The following GALNT17 variants were observed in gnomAD, a reference collection of about 807,000 sequenced individuals.
The protein encoded by GALNT17 is polypeptide N-acetylgalactosaminyltransferase 17.
In GALNT17, 29 loss-of-function variants were observed where a neutral mutation model predicts 63.7. The observed-to-expected ratio is 0.46, with a 90% CI of 0.34 to 0.62. The LOEUF (loss-of-function observed/expected upper bound fraction) is 0.62. GALNT17 is among the 20% of genes least tolerant of loss of function. The pLI is 0.01. For missense variants in GALNT17, 603 were observed against 799.6 expected, an observed-to-expected ratio of 0.75 and a Z score of 2.97; for synonymous variants, 305 against 318.3, an observed-to-expected ratio of 0.96 and a Z score of 0.45.
chr7:71,330,903 T>C (rs1472137070), intron 1 of GALNT17, among the ~76,000 whole-genome samples: 1 of 151,694 alleles, frequency 6.6e-6, no homozygotes, highest in East Asian at 1.9e-4. Context: ...TGCCTATCCT[T>C]CCCCTTCTTG....
Position 71,209,964 on chromosome 7 carries a change from C to T in GALNT17, c.238+76924C>T, listed in dbSNP as rs143058726. Among the ~76,000 whole-genome samples the T allele has an allele frequency of 9.6e-3, 1,452 of 151,934 alleles. 24 individuals carry two copies. Among genetic ancestry groups the T allele is most frequent in the African/African-American group, 0.033 (1,386 of 41,422 alleles). On this transcript the variant is annotated intron_variant, in intron 1 of 10. Transcript: ENST00000333538. Reference sequence around the variant, plus strand: ...TTGGGACAGAGTTTCGCTCTGTCACCGAGGCTGGAGTGCAGTGGCACAAAC... The same window carrying T: ...TTGGGACAGAGTTTCGCTCTGTCACTGAGGCTGGAGTGCAGTGGCACAAAC...
At chr7:71,692,064 C>A (rs1440526553) in intron 9 of GALNT17, among the ~76,000 whole-genome samples, 1 of 152,038 alleles carries the variant, frequency 6.6e-6, no homozygotes, top group Non-Finnish European at 1.5e-5. Flanking sequence ...CCACACACCA[C>A]CATGCTTGGC....
chr7:71,617,141 ATTTAC>A (rs943793677), intron 6 of GALNT17, among the ~76,000 whole-genome samples: 2 of 149,468 alleles, frequency 1.3e-5, no homozygotes, highest in African/African-American at 4.9e-5. Flanking sequence ...AATATTATTT[ATTTAC>A]TTATTCATTT....
rs115996891 is a variant in GALNT17, at chr7:71,631,637, G to A, written c.1081-33774G>A. On this transcript the variant is annotated intron_variant, in intron 6 of 10. Transcript: ENST00000333538. ...GAAGAGCAAGGAGGCCACTGTGGCC[G>A]GAGTGGCATCAGCAAAGGTGAGAGT... Among the ~76,000 whole-genome samples, 759 of 152,244 alleles carry A rather than the reference G, an allele frequency of 5.0e-3. 14 individuals carry two copies. Among genetic ancestry groups the A allele is most frequent in the African/African-American group, 0.018 (728 of 41,544 alleles).
intron 1 of GALNT17, among the ~76,000 whole-genome samples, chr7:71,320,967 CCCT>C (rs1276181813): frequency 6.6e-6 from 1 of 152,146 alleles, no homozygotes; most frequent in Non-Finnish European, 1.5e-5. Flanking sequence ...CCCACTCTGT[CCCT>C]CCTCTTTAGC....
intron 5 of GALNT17, among the ~76,000 whole-genome samples, chr7:71,475,741 G>T (rs892011761): frequency 2.0e-5 from 3 of 152,124 alleles, no homozygotes; most frequent in Non-Finnish European, 2.9e-5. Context: ...CTACAAAGTC[G>T]CAAAGAGCTT....
At chr7:71,396,169 A>T (rs1793136943) in intron 3 of GALNT17, among the ~76,000 whole-genome samples, 2 of 152,066 alleles carry the variant, frequency 1.3e-5, no homozygotes, top group African/African-American at 4.8e-5. Context: ...TTTTGGTGTC[A>T]TATCTAAGAA....
intron 2 of GALNT17, among the ~76,000 whole-genome samples, chr7:71,387,253 G>T: frequency 7.0e-6 from 1 of 142,224 alleles, no homozygotes; most frequent in Non-Finnish European, 1.5e-5. Context: ...TACTTTTAAT[G>T]GCATTAAAAG....
At position 71,211,983 on chromosome 7, in the gene GALNT17, G is replaced by C. The variant is rs549918682; in HGVS notation, c.238+78943G>C. ...AAAGAAAAAACCCATTTTCTGGGGA[G>C]AAATTCAAGGCAGCTGCAGAAATTT... On this transcript the variant is annotated intron_variant, in intron 1 of 10. Transcript: ENST00000333538. 5.3e-5 allele frequency among the ~76,000 whole-genome samples: 8 copies of C among 152,334 alleles called. No homozygotes were observed. The South Asian group carries it at 1.7e-3, about 32-fold the overall frequency.
intron 1 of GALNT17, among the ~76,000 whole-genome samples, chr7:71,287,589 C>T (rs953111537): frequency 2.0e-5 from 3 of 152,138 alleles, no homozygotes; most frequent in Non-Finnish European, 4.4e-5. Flanking sequence ...AGTCAGACTG[C>T]GTGCAACTTC....
At chr7:71,693,345 A>C (rs990446749) in intron 9 of GALNT17, among the ~76,000 whole-genome samples, 1 of 144,856 alleles carries the variant, frequency 6.9e-6, no homozygotes, top group African/African-American at 2.5e-5. Context: ...AAACAATGCA[A>C]TGTGAGATCC....
chr7:71,391,201 C>T (rs1490057441), intron 3 of GALNT17, among the ~76,000 whole-genome samples: 1 of 152,098 alleles, frequency 6.6e-6, no homozygotes, highest in Non-Finnish European at 1.5e-5. Context: ...CTGGAGGTGG[C>T]CCGGGGCTAG....
chr7:71,143,690 T>C (rs1317672879), intron 1 of GALNT17, among the ~76,000 whole-genome samples: 2 of 152,080 alleles, frequency 1.3e-5, no homozygotes, highest in Non-Finnish European at 2.9e-5. Context: ...GTTGACTTAA[T>C]GTGATGTCAT....
chr7:71,171,528 A>G (rs1419923636), intron 1 of GALNT17, among the ~76,000 whole-genome samples: 1 of 152,192 alleles, frequency 6.6e-6, no homozygotes, highest in East Asian at 1.9e-4. Context: ...CAAAAGAAGA[A>G]TATGAAACGT....
At chr7:71,694,893 G>T (rs1390053516) in intron 9 of GALNT17, among the ~76,000 whole-genome samples, 2 of 152,224 alleles carry the variant, frequency 1.3e-5, no homozygotes, top group Admixed American at 6.5e-5. Flanking sequence ...AGCGAAGAAA[G>T]TGAGCTGGTT....
chr7:71,291,714 A>G (rs1194408026), intron 1 of GALNT17, among the ~76,000 whole-genome samples: 2 of 151,994 alleles, frequency 1.3e-5, no homozygotes, highest in Non-Finnish European at 1.5e-5. Flanking sequence ...CTATATACTA[A>G]TTTTCTGAGT....
At chr7:71,326,556 T>G (rs73700698) in intron 1 of GALNT17, among the ~76,000 whole-genome samples, 5,281 of 152,348 alleles carry the variant, frequency 0.035, 155 homozygotes, top group East Asian at 0.1. Context: ...CTCTGCCACT[T>G]ATATATGTCT....
At chr7:71,135,507 G>A (rs1360316793) in intron 1 of GALNT17, among the ~76,000 whole-genome samples, 1 of 152,200 alleles carries the variant, frequency 6.6e-6, no homozygotes, top group Non-Finnish European at 1.5e-5. Context: ...TGTCAGAGCT[G>A]GGAATCGAAC....
chr7:71,190,701 G>A (rs1788935436), intron 1 of GALNT17, among the ~76,000 whole-genome samples: 1 of 152,068 alleles, frequency 6.6e-6, no homozygotes, highest in African/African-American at 2.4e-5. Flanking sequence ...GTGTGATCAT[G>A]GTTCTCTGCA....
Sources: gnomAD v4.1 joint callset for allele counts (sites outside exome capture counted in the v4.1 genomes callset) on GRCh38, gnomAD v4.1.1 for gene constraint, MANE v1.5 for transcripts, NCBI Gene and HGNC (gene_info 2026-07-23, HGNC 2026-07-21) for gene names.